RABGAP1L: variants seen among roughly 807,000 people sequenced by gnomAD.
RABGAP1L encodes the protein rab GTPase-activating protein 1-like.
Under a neutral mutation model 137.7 loss-of-function variants are expected in RABGAP1L, and 63 were observed. The ratio of observed to expected loss-of-function variants is 0.46; its 90% CI spans 0.37 to 0.56. The LOEUF (loss-of-function observed/expected upper bound fraction) is 0.56, where lower values mean the gene tolerates loss of function less well. Ranked by LOEUF, RABGAP1L falls within the 20% of genes least tolerant of loss-of-function variation. RABGAP1L has a pLI of 0.00. For missense variants in RABGAP1L, 1,095 were observed against 1,244.0 expected, an observed-to-expected ratio of 0.88 and a Z score of 1.80; for synonymous variants, 431 against 433.7, an observed-to-expected ratio of 0.99 and a Z score of 0.08.
chr1:174,617,457 T>C (rs1326951976), intron 13 of RABGAP1L, among the ~76,000 whole-genome samples: 1 of 152,252 alleles, frequency 6.6e-6, no homozygotes, highest in Non-Finnish European at 1.5e-5. Flanking sequence ...AAGTGACCTT[T>C]ATAATTGAGA....
At chr1:174,731,765 G>A (rs952003847) in intron 17 of RABGAP1L, among the ~76,000 whole-genome samples, 1 of 152,200 alleles carries the variant, frequency 6.6e-6, no homozygotes, top group Admixed American at 6.5e-5. Context: ...TTCAGACTGT[G>A]TCATGGTAAT....
intron 21 of RABGAP1L, among the ~76,000 whole-genome samples, chr1:174,972,507 A>G (rs1670223613): frequency 6.6e-6 from 1 of 152,172 alleles, no homozygotes; most frequent in Non-Finnish European, 1.5e-5. Flanking sequence ...ACATTATAAG[A>G]TATTGTTAAG....
chr1:174,789,160 A>T lies in RABGAP1L; in HGVS notation c.2212-22672A>T, dbSNP rs952275411. Among the ~76,000 whole-genome samples, 7 of 152,180 alleles carry T rather than the reference A, an allele frequency of 4.6e-5. No individual in the cohort carries two copies. The South Asian group carries it at 1.5e-3, about 32-fold the overall frequency. On this transcript the variant is annotated intron_variant, in intron 18 of 25. Coordinates refer to ENST00000681986, the MANE Select transcript of RABGAP1L (RefSeq NM_001366446.1). The stretch of plus-strand genomic sequence containing the variant: ...AGAAACCTTTCTCCTCTTACCAAAA[A>T]CCACAGTGACTCAGCTACTTGCATG...
intron 19 of RABGAP1L, among the ~76,000 whole-genome samples, chr1:174,908,511 T>C (rs1240272409): frequency 6.6e-6 from 1 of 151,102 alleles, no homozygotes; most frequent in Non-Finnish European, 1.5e-5. Context: ...ACAAACACAT[T>C]AAATAAGTAA....
intron 1 of RABGAP1L, among the ~76,000 whole-genome samples, chr1:174,193,841 T>A (rs1046848405): frequency 1.3e-5 from 2 of 152,202 alleles, no homozygotes. Flanking sequence ...GTGTAAAACA[T>A]GATATTTTGA....
At chr1:174,931,016 T>C (rs891139354) in intron 19 of RABGAP1L, among the ~76,000 whole-genome samples, 1 of 152,162 alleles carries the variant, frequency 6.6e-6, no homozygotes, top group Non-Finnish European at 1.5e-5. Context: ...GTGGGATTTT[T>C]TTTTGTTATT....
At chr1:174,333,257 T>C (rs1300368995) in intron 11 of RABGAP1L, among the ~76,000 whole-genome samples, 1 of 152,136 alleles carries the variant, frequency 6.6e-6, no homozygotes, top group Admixed American at 6.5e-5. Flanking sequence ...CGTTTTACAG[T>C]GGGGTGACTG....
chr1:174,868,376 G>T (rs563922395), intron 19 of RABGAP1L, among the ~76,000 whole-genome samples: 1 of 152,266 alleles, frequency 6.6e-6, no homozygotes, highest in East Asian at 1.9e-4. Context: ...CTCCTCCCTA[G>T]CACAGTAGGT....
intron 20 of RABGAP1L, among the ~76,000 whole-genome samples, chr1:174,963,515 C>T (rs759761766): frequency 3.3e-4 from 50 of 151,934 alleles, no homozygotes; most frequent in Non-Finnish European, 5.7e-4. Flanking sequence ...TCAGAGTTTT[C>T]AAGAAACTTT....
At chr1:174,623,446 C>G (rs1454108912) in intron 13 of RABGAP1L, among the ~76,000 whole-genome samples, 3 of 152,172 alleles carry the variant, frequency 2.0e-5, no homozygotes, top group Non-Finnish European at 2.9e-5. Context: ...TGACAGAAAG[C>G]TGTTATACTC....
At chr1:174,698,044 C>A (rs1229097438) in intron 15 of RABGAP1L, among the ~76,000 whole-genome samples, 1 of 152,154 alleles carries the variant, frequency 6.6e-6, no homozygotes, top group East Asian at 1.9e-4. Flanking sequence ...TGTACAACTG[C>A]ATTTCTAAGT....
In RABGAP1L at chr1:174,265,991, C is replaced by T. The variant is rs539621466; in HGVS notation, c.987-6423C>T. 9.4e-4 allele frequency among the ~76,000 whole-genome samples: 143 copies of T among 152,144 alleles called. 7 individuals are homozygous for T. The South Asian group carries it at 0.026, about 27-fold the overall frequency. On this transcript the variant is annotated intron_variant, in intron 7 of 25. Transcript: ENST00000681986. ...TACATAGACAGATAGATAGATAAAA[C>T]GATTTCCTACCTGATGAATGAAAAG...
At chr1:174,534,284 A>AAAAAC (rs1310199250) in intron 13 of RABGAP1L, among the ~76,000 whole-genome samples, 3 of 152,028 alleles carry the variant, frequency 2.0e-5, no homozygotes, top group East Asian at 1.9e-4. Context: ...TCAATAGTTT[A>AAAAAC]AAAACAAAAC....
intron 13 of RABGAP1L, among the ~76,000 whole-genome samples, chr1:174,421,793 G>A (rs985797140): frequency 6.6e-6 from 1 of 152,164 alleles, no homozygotes; most frequent in Non-Finnish European, 1.5e-5. Context: ...TTTTGAGACG[G>A]AGTCTCACTC....
chr1:174,772,337 G>A (rs1165807947), intron 18 of RABGAP1L, among the ~76,000 whole-genome samples: 1 of 151,890 alleles, frequency 6.6e-6, no homozygotes, highest in Non-Finnish European at 1.5e-5. Flanking sequence ...CAGCACTTTG[G>A]GAGGCCAAGG....
chr1:174,417,450 A>G (rs1443925225), intron 13 of RABGAP1L, among the ~76,000 whole-genome samples: 4 of 152,196 alleles, frequency 2.6e-5, no homozygotes, highest in African/African-American at 7.2e-5. Flanking sequence ...TAATAGGTAG[A>G]TGCAGTTCTA....
intron 14 of RABGAP1L, among the ~76,000 whole-genome samples, chr1:174,682,976 A>C (rs928883979): frequency 1.3e-5 from 2 of 151,992 alleles, no homozygotes; most frequent in African/African-American, 4.8e-5. Flanking sequence ...TAGATTGGAG[A>C]ACCATTTTTA....
At chr1:174,727,053 T>C (rs1167687607) in intron 17 of RABGAP1L, among the ~76,000 whole-genome samples, 1 of 152,196 alleles carries the variant, frequency 6.6e-6, no homozygotes, top group African/African-American at 2.4e-5. Context: ...GCTTACAGTC[T>C]ATGCAACCTT....
rs1652384492 is a variant in RABGAP1L, at chr1:174,429,749, A to T, written c.1710+35604A>T. Among the ~76,000 whole-genome samples, 7 of 151,916 alleles carry T rather than the reference A, an allele frequency of 4.6e-5. No homozygotes were observed. The South Asian group carries it at 1.5e-3, about 32-fold the overall frequency. ...AGCAAGACTCCATCTCAAAAAAAAA[A>T]AATAAAAATAAAAATAAAGATAAAC... On this transcript the variant is annotated intron_variant, in intron 13 of 25. Transcript: ENST00000681986.
Sources: gnomAD v4.1 joint callset for allele counts (sites outside exome capture counted in the v4.1 genomes callset) on GRCh38, gnomAD v4.1.1 for gene constraint, MANE v1.5 for transcripts, NCBI Gene and HGNC (gene_info 2026-07-23, HGNC 2026-07-21) for gene names.